The following DRD4 variants were observed in gnomAD, a reference collection of about 807,000 sequenced individuals.
DRD4 encodes D(4) dopamine receptor.
In DRD4, 26 loss-of-function variants were observed where a neutral mutation model predicts 22.1. That is an observed-to-expected ratio of 1.17 (90% CI 0.86 to 1.63). The LOEUF is 1.63. Ranked by LOEUF, DRD4 falls within the 40% of genes most tolerant of loss-of-function variation. The pLI is 0.00. For missense variants in DRD4, 913 were observed against 632.4 expected, an observed-to-expected ratio of 1.44 and a Z score of -4.76; for synonymous variants, 455 against 306.7, an observed-to-expected ratio of 1.48 and a Z score of -5.05.
rs941276882 is a variant in DRD4 at position 637,331 on chromosome 11, G to A, written c.27G>A (p.Ala9=). Residue 9 remains alanine, a synonymous_variant, in exon 1 of 4, where the codon GCG becomes GCA. Coordinates refer to ENST00000176183, the MANE Select transcript of DRD4 (RefSeq NM_000797.4). ...TGGGGAACCGCAGCACCGCGGACGC[G>A]GACGGGCTGCTGGCTGGGCGCGGGC... MGNRSTAD[A]DGLLAGRGPA... 4.8e-6 allele frequency: 6 copies of A among 1,258,534 alleles called. No individual in the cohort carries two copies. The Admixed American group carries it at 1.3e-4, about 27-fold the overall frequency. The allele number at this position is 1,258,534 out of a possible 1,614,324, so 78.0% of individuals were successfully genotyped here.
At position 640,516 on chromosome 11, in the gene DRD4, C is replaced by T. The variant is rs1331861098; in HGVS notation, c.1173C>T (p.Val391=). 5 of 1,598,922 alleles carry T rather than the reference C, an allele frequency of 3.1e-6. No homozygotes were observed. Among genetic ancestry groups the T allele is most frequent in the Non-Finnish European group, 4.2e-6 (5 of 1,178,892 alleles). ...LVSAVTWLGY[V]NSALNPVIYT... is the part of the protein sequence containing the mutation. ...GCGCCGTCACCTGGCTGGGCTACGT[C>T]AACAGCGCCCTCAACCCCGTCATCT... is the stretch of plus-strand genomic sequence containing the variant. The change falls in exon 4 of 4, where the codon GTC becomes GTT. Residue 391 remains valine, a synonymous_variant. Transcript: ENST00000176183.
At position 637,447 on chromosome 11, in the gene DRD4, T is replaced by A. The variant is rs556422280; in HGVS notation, c.143T>A (p.Val48Glu). 6.5e-7 allele frequency: 1 copy of A among 1,533,334 alleles called. No homozygotes were observed. The highest frequency in any genetic ancestry group is 8.7e-7 in the Non-Finnish European group (1 of 1,145,888). The allele number at this position is 1,533,334 out of a possible 1,614,324, so 95.0% of individuals were successfully genotyped here. A position where few individuals can be genotyped will look rare whatever the true frequency, so the allele number is the denominator to read the frequency against. Reference protein sequence around the residue: ...LVGGVLLIGAVLAGNSLVCVS... With the variant: ...LVGGVLLIGAELAGNSLVCVS... ...GGGGGCGTGCTGCTCATCGGCGCGG[T>A]GCTCGCGGGGAACTCGCTCGTGTGC... is the stretch of plus-strand genomic sequence containing the variant. The change falls in exon 1 of 4, where the codon GTG (valine) becomes GAG (glutamate). Residue 48 changes from valine to glutamate, a missense_variant. Transcript: ENST00000176183.
chr11:638,769 G>A (rs1423059319), intron 1 of DRD4, among the ~76,000 whole-genome samples: 2 of 152,114 alleles, frequency 1.3e-5, no homozygotes, highest in Non-Finnish European at 2.9e-5. Flanking sequence ...CGCCCCCAGG[G>A]AATTCCCCAG....
chr11:639,368 T>TGG (rs12720404), intron 1 of DRD4, 65 bp from the exon 2 acceptor site: 1,395 of 1,375,948 alleles, frequency 1.0e-3, no homozygotes, highest in Middle Eastern at 5.7e-3. Context: ...CCCATAAGAG[T>TGG]GGGGGCGGGT....
Position 640,187 on chromosome 11 carries a change from C to A in DRD4, c.938C>A (p.Pro313His), listed in dbSNP as rs200686422. The A allele has an allele frequency of 7.2e-6, 11 of 1,531,142 alleles. No homozygotes were observed. The Admixed American group carries it at 9.8e-5, about 14-fold the overall frequency. The allele number at this position is 1,531,142 out of a possible 1,614,324, so 94.8% of individuals were successfully genotyped here. ...CCCTGCGGCTCCAACTGTGCTCCCC[C>A]CGACGCCGTCAGAGCCGCCGCGCTC... ...PDPCGSNCAP[P>H]DAVRAAALPP... The change falls in exon 3 of 4, where the codon CCC becomes CAC. Residue 313 changes from proline (P) to histidine (H), a missense_variant. Pro to His is a moderately conservative substitution (Grantham distance 77, BLOSUM62 -2). Coordinates refer to ENST00000176183, the MANE Select transcript of DRD4 (RefSeq NM_000797.4).
rs1858193279 is a variant in DRD4 at position 640,159 on chromosome 11, G to A, written c.910G>A (p.Asp304Asn). 1 of 1,515,100 alleles carries A rather than the reference G, an allele frequency of 6.6e-7. No homozygotes were observed. Among genetic ancestry groups the A allele is most frequent in the Non-Finnish European group, 8.8e-7 (1 of 1,136,714 alleles). The allele number at this position is 1,515,100 out of a possible 1,614,324, so 93.9% of individuals were successfully genotyped here. A position where few individuals can be genotyped will look rare whatever the true frequency, so the allele number is the denominator to read the frequency against. ...CAPPAPGLPP[D>N]PCGSNCAPPD... ...GCCCCCCGCGCCCGGCCTCCCCCCG[G>A]ACCCCTGCGGCTCCAACTGTGCTCC... Residue 304 changes from aspartate (D) to asparagine (N), a missense_variant, in exon 3 of 4, where the codon GAC becomes AAC. Physicochemically the swap from Asp to Asn is conservative, Grantham distance 23. Transcript: ENST00000176183.
In DRD4 at chr11:637,369, CAT is replaced by C; in HGVS notation, c.66_67del (p.Ser23CysfsTer426). On this transcript the variant is annotated frameshift_variant, in exon 1 of 4. Coordinates refer to ENST00000176183, the MANE Select transcript of DRD4 (RefSeq NM_000797.4). LOFTEE classifies it high-confidence loss of function. Reference sequence around the variant, plus strand: ...GCTGGGCGCGGGCCGGCCGCGGGGGCATCTGCGGGGGCATCTGCGGGGCTGGC... The same window carrying C: ...GCTGGGCGCGGGCCGGCCGCGGGGGCCTGCGGGGGCATCTGCGGGGCTGGC... 8.7e-7 allele frequency: 1 copy of C among 1,145,062 alleles called. No individual in the cohort carries two copies. The highest frequency in any genetic ancestry group is 1.1e-6 in the Non-Finnish European group (1 of 904,542). The allele number at this position is 1,145,062 out of a possible 1,614,324, so 70.9% of individuals were successfully genotyped here. A position where few individuals can be genotyped will look rare whatever the true frequency, so the allele number is the denominator to read the frequency against.
Position 639,783 on chromosome 11 carries a change from C to A in DRD4, c.534C>A (p.Arg178=). 6.3e-7 allele frequency: 1 copy of A among 1,578,078 alleles called. No homozygotes were observed. Among genetic ancestry groups the A allele is most frequent in the Non-Finnish European group, 8.5e-7 (1 of 1,170,770 alleles). The change falls in exon 3 of 4, where the codon CGC becomes CGA. Residue 178 remains arginine (R), a synonymous_variant. Transcript: ENST00000176183. ...TACTGTGCGGCCTCAACGACGTGCG[C>A]GGCCGCGACCCCGCCGTGTGCCGCC... ...APVLCGLNDV[R]GRDPAVCRLE...
intron 1 of DRD4, 107 bp downstream of exon 1, chr11:637,696 C>T: frequency 6.6e-7 from 1 of 1,521,298 alleles, no homozygotes. Context: ...TGCGGAGCTT[C>T]CAGCTGGGGC....
rs1858196375 is a variant in DRD4 at position 640,213 on chromosome 11, C to T, written c.964C>T (p.Pro322Ser). ...PPDAVRAAALPPQTPPQTRRR... is the reference protein window; with the variant it reads ...PPDAVRAAALSPQTPPQTRRR... ...CGACGCCGTCAGAGCCGCCGCGCTC[C>T]CACCCCAGACTCCACCGCAGACCCG... The change falls in exon 3 of 4, where the codon CCA (proline) becomes TCA (serine). Residue 322 changes from proline to serine, a missense_variant. Physicochemically the swap from Pro to Ser is moderately conservative, Grantham distance 74 (BLOSUM62 -1). Coordinates refer to ENST00000176183, the MANE Select transcript of DRD4 (RefSeq NM_000797.4). 3 of 1,531,792 alleles carry T rather than the reference C, an allele frequency of 2.0e-6. No individual in the cohort carries two copies. Among genetic ancestry groups the T allele is most frequent in the Non-Finnish European group, 2.6e-6 (3 of 1,145,982 alleles). 94.9% of individuals were successfully genotyped at this position (1,531,792 alleles called of 1,614,324 possible). A position where few individuals can be genotyped will look rare whatever the true frequency, so the allele number is the denominator to read the frequency against.
At chr11:638,374 G>A (rs1858116472) in intron 1 of DRD4, among the ~76,000 whole-genome samples, 1 of 152,114 alleles carries the variant, frequency 6.6e-6, no homozygotes, top group African/African-American at 2.4e-5. Flanking sequence ...CAGCAGCACG[G>A]GACACGCGTG....
Position 637,657 on chromosome 11 carries a change from GGACCCGGCGC to G in DRD4, c.285+77_285+86del, listed in dbSNP as rs1858095081. On this transcript the variant is annotated intron_variant, in intron 1 of 3. Coordinates refer to ENST00000176183, the MANE Select transcript of DRD4 (RefSeq NM_000797.4). ...GGTTCCCCGTCCCTGTCCCTACGGA[GGACCCGGCGC>G]GACCCGGCCCCTTTCTGGTGCGGAG... The G allele has an allele frequency of 7.4e-5, 113 of 1,533,376 alleles. 1 individual carries two copies. In the South Asian group the frequency reaches 1.2e-3, roughly 17 times the overall value. 95.0% of individuals were successfully genotyped at this position (1,533,376 alleles called of 1,614,324 possible). A position where few individuals can be genotyped will look rare whatever the true frequency, so the allele number is the denominator to read the frequency against.
In DRD4 at chr11:639,987, C is replaced by G. The variant is rs1858176757; in HGVS notation, c.738C>G (p.Pro246=). The change falls in exon 3 of 4, where the codon CCC becomes CCG. Residue 246 remains proline, a synonymous_variant. Transcript: ENST00000176183. ...CCAGCGGCCCTGGCCCGCCTTCCCCCACGCCACCCGCGCCCCGCCTCCCCC... is the reference window on the plus strand; with the variant it reads ...CCAGCGGCCCTGGCCCGCCTTCCCCGACGCCACCCGCGCCCCGCCTCCCCC... The part of the protein sequence containing the change: ...RRPSGPGPPS[P]TPPAPRLPQD... The G allele has an allele frequency of 3.8e-6, 5 of 1,313,172 alleles. No homozygotes were observed. Among genetic ancestry groups the G allele is most frequent in the Non-Finnish European group, 4.8e-6 (5 of 1,042,188 alleles). The allele number at this position is 1,313,172 out of a possible 1,614,324, so 81.3% of individuals were successfully genotyped here. A position where few individuals can be genotyped will look rare whatever the true frequency, so the allele number is the denominator to read the frequency against.
rs1290906588 is a variant in DRD4, at chr11:640,098, C to CGGCCGCCCCCCGG, written c.849_850insGGCCGCCCCCCGG (p.Ser284GlyfsTer170). On this transcript the variant is annotated frameshift_variant, in exon 3 of 4. Coordinates refer to ENST00000176183, the MANE Select transcript of DRD4 (RefSeq NM_000797.4). LOFTEE classifies it high-confidence loss of function. Reference sequence around the variant, plus strand: ...GCCCCGACTGTGCGCCCGCCGCGCCCAGCCTCCCCCAGGACCCCTGCGGCC... The same window carrying CGGCCGCCCCCCGG: ...GCCCCGACTGTGCGCCCGCCGCGCCCGGCCGCCCCCCGGAGCCTCCCCCAGGACCCCTGCGGCC... The CGGCCGCCCCCCGG allele has an allele frequency of 9.0e-7, 1 of 1,114,266 alleles. No homozygotes were observed. The highest frequency in any genetic ancestry group is 1.7e-5 in the African/African-American group (1 of 60,534). The allele number at this position is 1,114,266 out of a possible 1,614,324, so 69.0% of individuals were successfully genotyped here.
In DRD4 at chr11:639,376, G is replaced by A. The variant is rs764745320; in HGVS notation, c.286-57G>A. 1.1e-4 allele frequency: 170 copies of A among 1,479,912 alleles called. No homozygotes were observed. The African/African-American group carries it at 2.2e-3, about 19-fold the overall frequency. 91.7% of individuals were successfully genotyped at this position (1,479,912 alleles called of 1,614,324 possible). On this transcript the variant is annotated intron_variant, in intron 1 of 3. Transcript: ENST00000176183. ...GGAACTACCCATAAGAGTGGGGGCGGGTCACAAGGGCCCGCGGTGGCTGGG... is the reference window on the plus strand; with the variant it reads ...GGAACTACCCATAAGAGTGGGGGCGAGTCACAAGGGCCCGCGGTGGCTGGG...
Position 640,189 on chromosome 11 carries a change from G to C in DRD4, c.940G>C (p.Asp314His). 6.5e-7 allele frequency: 1 copy of C among 1,530,666 alleles called. No homozygotes were observed. The highest frequency in any genetic ancestry group is 8.7e-7 in the Non-Finnish European group (1 of 1,145,218). The allele number at this position is 1,530,666 out of a possible 1,614,324, so 94.8% of individuals were successfully genotyped here. A position where few individuals can be genotyped will look rare whatever the true frequency, so the allele number is the denominator to read the frequency against. ...CTGCGGCTCCAACTGTGCTCCCCCC[G>C]ACGCCGTCAGAGCCGCCGCGCTCCC... ...DPCGSNCAPP[D>H]AVRAAALPPQ... The change falls in exon 3 of 4, where the codon GAC becomes CAC. Residue 314 changes from aspartate (D) to histidine (H), a missense_variant. Coordinates refer to ENST00000176183, the MANE Select transcript of DRD4 (RefSeq NM_000797.4).
rs199876324 is a variant in DRD4, at chr11:637,524, G to A, written c.220G>A (p.Val74Met). The A allele has an allele frequency of 4.5e-6, 7 of 1,566,064 alleles. No individual in the cohort carries two copies. The highest frequency in any genetic ancestry group is 1.7e-4 in the Middle Eastern group (1 of 6,000). The change falls in exon 1 of 4, where the codon GTG (valine) becomes ATG (methionine). Residue 74 changes from valine (V) to methionine (M), a missense_variant. Coordinates refer to ENST00000176183, the MANE Select transcript of DRD4 (RefSeq NM_000797.4). The part of the protein sequence containing the change: ...ALQTPTNSFI[V>M]SLAAADLLLA... ...GCAGACGCCCACCAACTCCTTCATC[G>A]TGAGCCTGGCGGCCGCCGACCTCCT...
In DRD4 at chr11:640,044, C is replaced by T. The variant is rs1301879452; in HGVS notation, c.795C>T (p.Pro265=). ...QDPCGPDCAP[P]APGLPRGPCG... is the part of the protein sequence containing the mutation. ...CCTGCGGCCCCGACTGTGCGCCCCC[C>T]GCGCCCGGCCTTCCCCGGGGTCCCT... Residue 265 remains proline, a synonymous_variant, in exon 3 of 4, where the codon CCC becomes CCT. Coordinates refer to ENST00000176183, the MANE Select transcript of DRD4 (RefSeq NM_000797.4). 55 of 1,189,304 alleles carry T rather than the reference C, an allele frequency of 4.6e-5. No homozygotes were observed. The highest frequency in any genetic ancestry group is 3.2e-4 in the Middle Eastern group (1 of 3,118). 73.7% of individuals were successfully genotyped at this position (1,189,304 alleles called of 1,614,324 possible).
chr11:640,374 C>T (rs1327881246), intron 3 of DRD4, 27 bp from the exon 4 acceptor site: 13 of 1,591,060 alleles, frequency 8.2e-6, no homozygotes, highest in African/African-American at 2.7e-5. Context: ...GGGCGGGGGG[C>T]GCTAACGCGG....
Sources: gnomAD v4.1 joint callset for allele counts (sites outside exome capture counted in the v4.1 genomes callset) on GRCh38, gnomAD v4.1.1 for gene constraint, MANE v1.5 for transcripts, NCBI Gene and HGNC (gene_info 2026-07-23, HGNC 2026-07-21) for gene names.